Variants in PLA2R1 observed in about 807,000 individuals in gnomAD.
PLA2R1 encodes phospholipase A2 receptor 1, also known as secretory phospholipase A2 receptor.
A neutral mutation model predicts 195.9 loss-of-function variants in PLA2R1; 158 were observed. The observed-to-expected ratio is 0.81, with a 90% CI of 0.71 to 0.92. The LOEUF (loss-of-function observed/expected upper bound fraction) is 0.92. Among genes scored for constraint, PLA2R1 ranks in the 40% least tolerant of loss-of-function variants. The pLI is 0.00. For synonymous variants in PLA2R1, 586 were observed against 598.2 expected, an observed-to-expected ratio of 0.98 and a Z score of 0.30; for missense variants, 1,626 against 1,764.6, an observed-to-expected ratio of 0.92 and a Z score of 1.41.
At chr2:160,022,418 C>G (rs1693196125) in intron 7 of PLA2R1, among the ~76,000 whole-genome samples, 1 of 151,968 alleles carries the variant, frequency 6.6e-6, no homozygotes, top group Non-Finnish European at 1.5e-5. Flanking sequence ...AATGAACTTT[C>G]CTACTTTCCA....
At position 159,976,062 on chromosome 2, in the gene PLA2R1, A is replaced by G; in HGVS notation, c.2595+6T>C. 1 of 1,609,434 alleles carries G rather than the reference A, an allele frequency of 6.2e-7. No individual in the cohort carries two copies. The highest frequency in any genetic ancestry group is 8.5e-7 in the Non-Finnish European group (1 of 1,176,722). On this transcript the variant is annotated splice_donor_region_variant and intron_variant, in intron 17 of 29. Coordinates refer to ENST00000283243, the MANE Select transcript of PLA2R1 (RefSeq NM_007366.5). ...GAATTTTTCGTGGTGAGTTATGTTCAAGTACCGCTTTTATTTTGCTGTGGA... is the reference window on the plus strand; with the variant it reads ...GAATTTTTCGTGGTGAGTTATGTTCGAGTACCGCTTTTATTTTGCTGTGGA...
intron 17 of PLA2R1, among the ~76,000 whole-genome samples, chr2:159,970,791 T>C (rs1689107693): frequency 6.6e-6 from 1 of 152,322 alleles, no homozygotes; most frequent in Middle Eastern, 3.4e-3. Context: ...GATGAGTTCA[T>C]GTCCTTTGCA....
rs1560126903 is a variant in PLA2R1, at chr2:159,941,950, A to G, written c.4220T>C (p.Leu1407Pro). The G allele has an allele frequency of 6.2e-7, 1 of 1,613,998 alleles. No individual in the cohort carries two copies. The highest frequency in any genetic ancestry group is 2.2e-5 in the East Asian group (1 of 44,874). ...TGTGCAAATGGCCACAATGACTATC[A>G]GTGTCAGTACAACCGCAAGAGGAAT... ...SIIPLAVVLT[L>P]IVIVAICTLS... Residue 1407 changes from leucine to proline, a missense_variant, in exon 30 of 30, where the codon CTG (leucine) becomes CCG (proline). Coordinates refer to ENST00000283243, the MANE Select transcript of PLA2R1 (RefSeq NM_007366.5).
intron 11 of PLA2R1, among the ~76,000 whole-genome samples, chr2:159,993,586 G>GAAACCAGGGTTCCTTGA (rs1690991064): frequency 6.6e-6 from 1 of 151,494 alleles, no homozygotes; most frequent in Admixed American, 6.6e-5. Context: ...CCCATCAGAA[G>GAAACCAGGGTTCCTTGA]AAACCAGGGT....
intron 25 of PLA2R1, 25 bp downstream of exon 25, chr2:159,949,583 T>C (rs748502221): frequency 3.8e-6 from 6 of 1,571,276 alleles, no homozygotes; most frequent in Non-Finnish European, 5.3e-6. Flanking sequence ...AGGTATATTT[T>C]TGAGTTGAAT....
At position 159,951,551 on chromosome 2, in the gene PLA2R1, GATGT is replaced by G; in HGVS notation, c.3325_3328del (p.Thr1109LeufsTer10). On this transcript the variant is annotated frameshift_variant, in exon 24 of 30. Transcript: ENST00000283243. LOFTEE classifies it high-confidence loss of function. ...GGTATTGGGCATTGGATACATATCA[GATGT>G]ATTTACACCGTGTCCAGAAGTATCT... is the stretch of plus-strand genomic sequence containing the variant. The G allele has an allele frequency of 6.3e-7, 1 of 1,575,618 alleles. No individual in the cohort carries two copies.
At chr2:160,028,047 C>A (rs1229994617) in intron 6 of PLA2R1, among the ~76,000 whole-genome samples, 171 bp downstream of exon 6, 1 of 152,200 alleles carries the variant, frequency 6.6e-6, no homozygotes, top group Non-Finnish European at 1.5e-5. Flanking sequence ...GTTAAAATCA[C>A]AGTCCCTTTG....
intron 11 of PLA2R1, among the ~76,000 whole-genome samples, chr2:160,001,857 C>T (rs962072329): frequency 6.6e-6 from 1 of 151,638 alleles, no homozygotes; most frequent in Non-Finnish European, 1.5e-5. Flanking sequence ...TACACATCTA[C>T]CATCATAGTG....
At chr2:159,929,746 C>T, downstream of PLA2R1, among the ~76,000 whole-genome samples, 1 of 151,996 alleles carries the variant, frequency 6.6e-6, no homozygotes, top group Non-Finnish European at 1.5e-5. Context: ...AATGTGGGAC[C>T]AGCCCAAATG....
chr2:159,976,359 C>G (rs925162304), intron 16 of PLA2R1, 134 bp from the exon 17 acceptor site: 1 of 635,064 alleles, frequency 1.6e-6, no homozygotes, highest in Non-Finnish European at 2.7e-6. Flanking sequence ...CACACACACA[C>G]AGACACATAT....
At chr2:160,058,396 C>T (rs901327909) in intron 1 of PLA2R1, among the ~76,000 whole-genome samples, 4 of 152,110 alleles carry the variant, frequency 2.6e-5, no homozygotes, top group African/African-American at 4.8e-5. Context: ...TTTAGAAGAG[C>T]CTCCCCTGAG....
chr2:160,000,342 C>T (rs1691508827), intron 11 of PLA2R1, among the ~76,000 whole-genome samples: 1 of 152,160 alleles, frequency 6.6e-6, no homozygotes, highest in Non-Finnish European at 1.5e-5. Context: ...ACAACCCAAA[C>T]TTCATGCAGG....
chr2:160,043,588 G>C (rs1024269219), intron 2 of PLA2R1, among the ~76,000 whole-genome samples: 4 of 152,128 alleles, frequency 2.6e-5, no homozygotes, highest in African/African-American at 9.7e-5. Flanking sequence ...AGGAACCGTA[G>C]GTATTTCAGG....
intron 10 of PLA2R1, among the ~76,000 whole-genome samples, chr2:160,012,506 T>A (rs1388716197): frequency 1.3e-5 from 2 of 152,156 alleles, no homozygotes; most frequent in Admixed American, 6.5e-5. Flanking sequence ...CTAAATAAAA[T>A]AGATGGAAGA....
chr2:159,977,201 G>T, intron 15 of PLA2R1, 83 bp downstream of exon 15: 2 of 943,986 alleles, frequency 2.1e-6, no homozygotes, highest in Non-Finnish European at 3.2e-6. Context: ...TGTTGATATT[G>T]TGGTTTGGGG....
chr2:159,924,811 G>A, the PLA2R1 span, among the ~76,000 whole-genome samples: 2 of 151,416 alleles, frequency 1.3e-5, no homozygotes, highest in African/African-American at 4.9e-5. Context: ...TTCTTTTTTC[G>A]CTCCCAGGAA....
At chr2:159,977,452 AT>A in intron 14 of PLA2R1, 36 bp from the exon 15 acceptor site, 2 of 1,602,452 alleles carry the variant, frequency 1.2e-6, no homozygotes, top group South Asian at 2.2e-5. Flanking sequence ...CTTAATGATG[AT>A]CCCCCCACAA....
At chr2:160,044,701 T>C in intron 2 of PLA2R1, 73 bp downstream of exon 2, 1 of 1,304,996 alleles carries the variant, frequency 7.7e-7, no homozygotes, top group South Asian at 1.3e-5. Flanking sequence ...CACGTAATGC[T>C]TTACAAATCT....
At chr2:159,971,981 T>C (rs879934110) in intron 17 of PLA2R1, among the ~76,000 whole-genome samples, 1 of 152,080 alleles carries the variant, frequency 6.6e-6, no homozygotes, top group Admixed American at 6.6e-5. Context: ...TTGTCAGACG[T>C]TGGAATGGGT....
Sources: gnomAD v4.1 joint callset for allele counts (sites outside exome capture counted in the v4.1 genomes callset) on GRCh38, gnomAD v4.1.1 for gene constraint, MANE v1.5 for transcripts, NCBI Gene and HGNC (gene_info 2026-07-23, HGNC 2026-07-21) for gene names.